The following KALRN variants were observed in gnomAD, a reference collection of about 807,000 sequenced individuals.
KALRN encodes the protein kalirin RhoGEF kinase.
KALRN carries 70 observed loss-of-function variants against 353.7 expected under a neutral mutation model. The ratio of observed to expected loss-of-function variants is 0.20; its 90% CI spans 0.16 to 0.24. The LOEUF (loss-of-function observed/expected upper bound fraction) is 0.24, where lower values mean the gene tolerates loss of function less well. Ranked by LOEUF, KALRN falls within the 10% of genes least tolerant of loss-of-function variation. The probability of loss-of-function intolerance (pLI) is 1.00; values close to 1 mark genes in which losing one functional copy is unlikely to be tolerated. For missense variants in KALRN, 2,791 were observed against 3,756.7 expected, an observed-to-expected ratio of 0.74 and a Z score of 6.72; for synonymous variants, 1,391 against 1,434.8, an observed-to-expected ratio of 0.97 and a Z score of 0.69.
intron 34 of KALRN, among the ~76,000 whole-genome samples, chr3:124,568,957 G>A (rs1250847627): frequency 6.6e-6 from 1 of 152,192 alleles, no homozygotes; most frequent in Non-Finnish European, 1.5e-5. Flanking sequence ...CCACTGAACT[G>A]TACACTTAAA....
At chr3:124,398,611 T>C in intron 12 of KALRN, 86 bp from the exon 13 acceptor site, 1 of 1,336,608 alleles carries the variant, frequency 7.5e-7, no homozygotes, top group Non-Finnish European at 1.1e-6. Flanking sequence ...TCCACCTTGC[T>C]CAGATGAGGA....
chr3:124,182,384 A>G (rs1210606950), intron 1 of KALRN, among the ~76,000 whole-genome samples: 1 of 152,114 alleles, frequency 6.6e-6, no homozygotes, highest in Non-Finnish European at 1.5e-5. Context: ...CTTGACTTAC[A>G]TGGTTGTTGG....
At chr3:124,495,804 C>T (rs1201240483) in intron 32 of KALRN, among the ~76,000 whole-genome samples, 4 of 144,614 alleles carry the variant, frequency 2.8e-5, no homozygotes, top group African/African-American at 5.1e-5. Context: ...TGTAAATGAA[C>T]CCTCATCTTA....
At chr3:124,679,677 A>G (rs748509310) in intron 51 of KALRN, 160 bp downstream of exon 51, 27 of 751,062 alleles carry the variant, frequency 3.6e-5, no homozygotes. Context: ...ACAAACAAAA[A>G]CATAATTCAG....
intron 1 of KALRN, among the ~76,000 whole-genome samples, chr3:124,182,980 G>C (rs2150223995): frequency 6.6e-6 from 1 of 152,242 alleles, no homozygotes; most frequent in South Asian, 2.1e-4. Context: ...ATATATATAG[G>C]GTGTTGTGAA....
chr3:124,555,024 C>T (rs1309671116), intron 33 of KALRN, among the ~76,000 whole-genome samples: 1 of 152,152 alleles, frequency 6.6e-6, no homozygotes, highest in Non-Finnish European at 1.5e-5. Flanking sequence ...TTTCATTTTT[C>T]AGGAAAGTGC....
chr3:124,373,872 A>C (rs2086214873), intron 10 of KALRN, among the ~76,000 whole-genome samples: 1 of 152,196 alleles, frequency 6.6e-6, no homozygotes, highest in South Asian at 2.1e-4. Flanking sequence ...GACAGAATTC[A>C]ACCCACAAGA....
intron 3 of KALRN, among the ~76,000 whole-genome samples, chr3:124,241,880 G>C (rs765745817): frequency 5.3e-5 from 8 of 152,204 alleles, no homozygotes; most frequent in Non-Finnish European, 1.0e-4. Context: ...CGAAGGGGTA[G>C]GAATGGGCCA....
intron 1 of KALRN, among the ~76,000 whole-genome samples, chr3:124,191,019 G>C (rs992887209): frequency 1.3e-5 from 2 of 152,182 alleles, no homozygotes; most frequent in African/African-American, 4.8e-5. Context: ...TAATTTGCTG[G>C]AGTGCCTCAG....
chr3:124,536,196 CTTTTTTTTTT>C lies in KALRN; in HGVS notation c.4936-26634_4936-26625del, dbSNP rs34435871. Among the ~76,000 whole-genome samples the C allele has an allele frequency of 5.0e-5, 5 of 99,124 alleles. No homozygotes were observed. In the South Asian group the frequency reaches 1.1e-3, roughly 23 times the overall value. 65.0% of individuals were successfully genotyped at this position (99,124 alleles called of 152,430 possible). On this transcript the variant is annotated intron_variant, in intron 33 of 59. Coordinates refer to ENST00000682506, the MANE Select transcript of KALRN (RefSeq NM_001388419.1). Reference sequence around the variant, plus strand: ...CTTGCAAGTCTTTGCCATCCATACTCTTTTTTTTTTTTTTTTTTTTTTGAGATGGAGTTTC... The same window carrying C: ...CTTGCAAGTCTTTGCCATCCATACTCTTTTTTTTTTTTGAGATGGAGTTTC...
chr3:124,307,344 GA>G (rs908447614), intron 6 of KALRN, among the ~76,000 whole-genome samples: 3 of 151,956 alleles, frequency 2.0e-5, no homozygotes, highest in Admixed American at 1.3e-4. Flanking sequence ...AGACTAATAT[GA>G]AAAAAGCTAT....
chr3:124,658,810 T>C lies in KALRN; in HGVS notation c.6123+293T>C, dbSNP rs1041950959. 2.6e-5 allele frequency among the ~76,000 whole-genome samples: 4 copies of C among 152,190 alleles called. No individual in the cohort carries two copies. In the East Asian group the frequency reaches 5.8e-4, roughly 22 times the overall value. ...TGGTTTGAGAAGCTCCAGTTCTTCT[T>C]AAGTGACCCTGGAGCAGACTGTACC... is the stretch of plus-strand genomic sequence containing the variant. On this transcript the variant is annotated intron_variant, in intron 42 of 59. Coordinates refer to ENST00000682506, the MANE Select transcript of KALRN (RefSeq NM_001388419.1).
chr3:124,042,554 G>A (rs919201169), intron 1 of KALRN, among the ~76,000 whole-genome samples: 5 of 152,106 alleles, frequency 3.3e-5, no homozygotes, highest in African/African-American at 1.2e-4. Flanking sequence ...TTTGGGAGGT[G>A]GAGTCTATAG....
At chr3:124,059,152 G>A (rs1189378497) in intron 1 of KALRN, among the ~76,000 whole-genome samples, 2 of 152,068 alleles carry the variant, frequency 1.3e-5, no homozygotes, top group Non-Finnish European at 2.9e-5. Flanking sequence ...GCACCCTTAC[G>A]TGAAACAGAA....
intron 1 of KALRN, among the ~76,000 whole-genome samples, chr3:124,216,363 A>G (rs953219273): frequency 6.6e-6 from 1 of 152,192 alleles, no homozygotes; most frequent in Non-Finnish European, 1.5e-5. Context: ...GACTCTCACT[A>G]TGACTGCCCT....
At chr3:124,364,481 GT>G (rs1459641932) in intron 10 of KALRN, among the ~76,000 whole-genome samples, 2 of 152,194 alleles carry the variant, frequency 1.3e-5, no homozygotes, top group Admixed American at 6.5e-5. Flanking sequence ...CAATGGCTAT[GT>G]CTTTTCAGTT....
intron 13 of KALRN, among the ~76,000 whole-genome samples, chr3:124,404,591 C>T (rs2091289468): frequency 8.4e-6 from 1 of 118,740 alleles, no homozygotes; most frequent in Non-Finnish European, 1.8e-5. Context: ...TTCCAGTACA[C>T]TGACTTAAAA....
chr3:124,712,318 A>G (rs945167929), intron 57 of KALRN, among the ~76,000 whole-genome samples: 3 of 152,230 alleles, frequency 2.0e-5, no homozygotes, highest in Admixed American at 2.0e-4. Context: ...ATTGGTATGT[A>G]TGAGAAGGAG....
At chr3:124,660,808 C>T in intron 43 of KALRN, 115 bp from the exon 44 acceptor site, 1 of 737,372 alleles carries the variant, frequency 1.4e-6, no homozygotes. Context: ...ATTGCCACTT[C>T]TGCTGGGAAG....
Sources: gnomAD v4.1 joint callset for allele counts (sites outside exome capture counted in the v4.1 genomes callset) on GRCh38, gnomAD v4.1.1 for gene constraint, MANE v1.5 for transcripts, NCBI Gene and HGNC (gene_info 2026-07-23, HGNC 2026-07-21) for gene names.